The following ITPR1 variants were observed in gnomAD, a reference collection of about 807,000 sequenced individuals.
The protein encoded by ITPR1 is inositol 1,4,5-trisphosphate receptor type 1.
Under a neutral mutation model 318.4 loss-of-function variants are expected in ITPR1, and 96 were observed. The observed-to-expected ratio is 0.30, with a 90% CI of 0.26 to 0.36. The LOEUF is 0.36. Ranked by LOEUF, ITPR1 falls within the 10% of genes least tolerant of loss-of-function variation. ITPR1 has a pLI of 1.00. For synonymous variants in ITPR1, 1,312 were observed against 1,289.9 expected (o/e 1.02, Z -0.37); for missense variants, 2,440 against 3,460.2 (o/e 0.71, Z 7.40).
intron 61 of ITPR1, among the ~76,000 whole-genome samples, chr3:4,840,453 G>GT (rs959018733): frequency 1.2e-4 from 18 of 151,918 alleles, no homozygotes; most frequent in Non-Finnish European, 2.4e-4. Flanking sequence ...TTACTTAGAG[G>GT]TTTTTTTTGT....
chr3:4,619,609 TGCC>T lies in ITPR1; in HGVS notation c.164-8153_164-8151del. 7.3e-5 allele frequency among the ~76,000 whole-genome samples: 3 copies of T among 41,298 alleles called. 1 individual carries two copies. The highest frequency in any genetic ancestry group is 4.1e-4 in the African/African-American group (3 of 7,284). 27.1% of individuals were successfully genotyped at this position (41,298 alleles called of 152,430 possible). A position where few individuals can be genotyped will look rare whatever the true frequency, so the allele number is the denominator to read the frequency against. On this transcript the variant is annotated intron_variant, in intron 4 of 61. Coordinates refer to ENST00000649015, the MANE Select transcript of ITPR1 (RefSeq NM_001378452.1). ...TCCCCTGCCCTCCCCTGCTCTCCTC[TGCC>T]CTCCCCTGCTCTCCTCTGCTCTCCC...
chr3:4,609,981 G>A (rs748912623), intron 4 of ITPR1, among the ~76,000 whole-genome samples: 1 of 152,264 alleles, frequency 6.6e-6, no homozygotes, highest in East Asian at 1.9e-4. Context: ...AGCAAGGGAG[G>A]GGGGACCAGG....
chr3:4,699,953 C>T lies in ITPR1; in HGVS notation c.4536+12C>T, dbSNP rs1559724882. ...GTACGACTTTGCAGGTAAGAAATAACCAACGTCAAGCAGAATGTTCACGAT... is the reference window on the plus strand; with the variant it reads ...GTACGACTTTGCAGGTAAGAAATAATCAACGTCAAGCAGAATGTTCACGAT... On this transcript the variant is annotated intron_variant, in intron 35 of 61. Coordinates refer to ENST00000649015, the MANE Select transcript of ITPR1 (RefSeq NM_001378452.1). 1.2e-6 allele frequency: 2 copies of T among 1,610,516 alleles called. No individual in the cohort carries two copies. Among genetic ancestry groups the T allele is most frequent in the East Asian group, 2.2e-5 (1 of 44,804 alleles).
chr3:4,785,429 A>G (rs2047118853), intron 51 of ITPR1, among the ~76,000 whole-genome samples: 1 of 152,116 alleles, frequency 6.6e-6, no homozygotes, highest in African/African-American at 2.4e-5. Context: ...GAATGGACAG[A>G]CTCCTTTGGG....
intron 2 of ITPR1, among the ~76,000 whole-genome samples, chr3:4,497,229 C>T (rs377157498): frequency 2.6e-5 from 4 of 152,314 alleles, no homozygotes; most frequent in Non-Finnish European, 2.9e-5. Context: ...CCAGATACAC[C>T]ACTGAAACCG....
In ITPR1 at chr3:4,815,635, G is replaced by T. The variant is rs551021814; in HGVS notation, c.7867+417G>T. ...GGGAGGAGAAGTAGTGAACGGCTAC[G>T]TAAAAGAGGTGCATGGACACCAAAC... On this transcript the variant is annotated intron_variant, in intron 59 of 61. Coordinates refer to ENST00000649015, the MANE Select transcript of ITPR1 (RefSeq NM_001378452.1). Among the ~76,000 whole-genome samples, 7 of 152,238 alleles carry T rather than the reference G, an allele frequency of 4.6e-5. No individual in the cohort carries two copies. In the East Asian group the frequency reaches 9.7e-4, roughly 21 times the overall value.
intron 42 of ITPR1, among the ~76,000 whole-genome samples, chr3:4,729,721 A>G (rs187410202): frequency 3.9e-5 from 6 of 152,290 alleles, no homozygotes; most frequent in African/African-American, 1.4e-4. Context: ...ACCAATTTTC[A>G]TTGTTTTAAT....
intron 17 of ITPR1, among the ~76,000 whole-genome samples, chr3:4,666,979 C>A (rs2093962688): frequency 6.6e-6 from 1 of 152,164 alleles, no homozygotes; most frequent in African/African-American, 2.4e-5. Context: ...TCCAGGTAGG[C>A]TTTATCTGTG....
At chr3:4,746,057 G>A (rs557278181) in intron 44 of ITPR1, among the ~76,000 whole-genome samples, 8 of 152,286 alleles carry the variant, frequency 5.3e-5, no homozygotes, top group South Asian at 2.1e-4. Flanking sequence ...GAGGAGCAGC[G>A]GTTTGAAACT....
rs760295729 is a variant in ITPR1, at chr3:4,768,677, C to T, written c.5892C>T (p.Asp1964=). The T allele has an allele frequency of 6.2e-7, 1 of 1,613,960 alleles. No individual in the cohort carries two copies. Among genetic ancestry groups the T allele is most frequent in the Non-Finnish European group, 8.5e-7 (1 of 1,179,886 alleles). Reference sequence around the variant, plus strand: ...CCACTGCCGACAAGGCCAAGGACGACCTGGAGATGAGCGCGGTCATCACCA... The same window carrying T: ...CCACTGCCGACAAGGCCAAGGACGATCTGGAGATGAGCGCGGTCATCACCA... ...TQATADKAKD[D]LEMSAVITIM... is the part of the protein sequence containing the mutation. Residue 1964 remains aspartate (D), a synonymous_variant, in exon 46 of 62, where the codon GAC becomes GAT. Transcript: ENST00000649015.
intron 23 of ITPR1, among the ~76,000 whole-genome samples, 164 bp downstream of exon 23, chr3:4,675,412 A>G (rs1055279088): frequency 1.3e-5 from 2 of 152,262 alleles, no homozygotes; most frequent in African/African-American, 4.8e-5. Context: ...AGCGGAAAGA[A>G]CAGTACGATG....
chr3:4,702,111 A>ATTT (rs1164765435), intron 35 of ITPR1, among the ~76,000 whole-genome samples: 1 of 139,888 alleles, frequency 7.1e-6, no homozygotes, highest in East Asian at 2.0e-4. Context: ...CAAAACTATA[A>ATTT]TTTTTTAATG....
intron 60 of ITPR1, among the ~76,000 whole-genome samples, chr3:4,836,529 C>G (rs564644854): frequency 2.0e-5 from 3 of 152,036 alleles, no homozygotes; most frequent in African/African-American, 7.2e-5. Context: ...TGTTTAGAAC[C>G]TATATTTCCC....
intron 40 of ITPR1, among the ~76,000 whole-genome samples, chr3:4,725,106 G>A (rs892083646): frequency 6.6e-6 from 1 of 151,974 alleles, no homozygotes; most frequent in East Asian, 1.9e-4. Flanking sequence ...TGTGGCACGT[G>A]GAACTTTCCC....
intron 4 of ITPR1, among the ~76,000 whole-genome samples, chr3:4,541,089 C>T (rs952853336): frequency 1.3e-5 from 2 of 152,120 alleles, no homozygotes; most frequent in African/African-American, 2.4e-5. Context: ...CTGTCATCCT[C>T]TCTCAGTCTA....
intron 5 of ITPR1, among the ~76,000 whole-genome samples, chr3:4,638,547 G>T (rs1237144238): frequency 2.2e-4 from 33 of 152,172 alleles, no homozygotes; most frequent in Non-Finnish European, 4.7e-4. Context: ...AGTCTCATTT[G>T]TGACTATACA....
chr3:4,635,518 T>G (rs2093159791), intron 5 of ITPR1, among the ~76,000 whole-genome samples: 1 of 149,622 alleles, frequency 6.7e-6, no homozygotes, highest in East Asian at 1.9e-4. Flanking sequence ...TTTTTTGTAT[T>G]TTTTTTTTAG....
intron 3 of ITPR1, among the ~76,000 whole-genome samples, chr3:4,517,791 C>G (rs970459969): frequency 1.3e-5 from 2 of 152,138 alleles, no homozygotes; most frequent in African/African-American, 4.8e-5. Context: ...TCCCTCCTTT[C>G]TTCATGGTTG....
chr3:4,506,573 C>T (rs769107694), intron 2 of ITPR1, among the ~76,000 whole-genome samples: 5 of 152,162 alleles, frequency 3.3e-5, no homozygotes, highest in African/African-American at 4.8e-5. Context: ...TCCTGTCTGT[C>T]TGCCCTCACT....
Sources: allele counts gnomAD v4.1 joint callset (sites outside exome capture counted in the v4.1 genomes callset), GRCh38; gene constraint gnomAD v4.1.1; transcripts MANE v1.5; gene names NCBI Gene and HGNC (gene_info 2026-07-23, HGNC 2026-07-21).